Variants in TPM3 observed in about 807,000 individuals in gnomAD.
TPM3 encodes tropomyosin 3.
A neutral mutation model predicts 43.1 loss-of-function variants in TPM3; 16 were observed. That is an observed-to-expected ratio of 0.37 (90% CI 0.25 to 0.56). The LOEUF is 0.56. Ranked by LOEUF, TPM3 falls within the 20% of genes least tolerant of loss-of-function variation. The probability of loss-of-function intolerance (pLI) is 0.77; values close to 1 mark genes in which losing one functional copy is unlikely to be tolerated. For missense variants in TPM3, 176 were observed against 337.2 expected, an observed-to-expected ratio of 0.52 and a Z score of 3.74; for synonymous variants, 101 against 116.9, an observed-to-expected ratio of 0.86 and a Z score of 0.88.
downstream of TPM3, among the ~76,000 whole-genome samples, chr1:154,160,767 G>A (rs1191030614): frequency 6.6e-6 from 1 of 152,144 alleles, no homozygotes; most frequent in Non-Finnish European, 1.5e-5. Context: ...TATACAGGCT[G>A]AGAACCCAAA....
chr1:154,174,385 T>TATATATATATATATATATATATATATAC (rs1662013729), intron 3 of TPM3, among the ~76,000 whole-genome samples: 1 of 94,328 alleles, frequency 1.1e-5, no homozygotes, highest in Non-Finnish European at 2.0e-5. Flanking sequence ...TATATATATA[T>TATATATATATATATATATATATATATAC]ATATATATAT....
intron 3 of TPM3, 56 bp downstream of exon 3, chr1:154,176,059 G>C: frequency 2.5e-6 from 4 of 1,610,504 alleles, no homozygotes; most frequent in Non-Finnish European, 2.5e-6. Flanking sequence ...AGGAAATCTT[G>C]ATCAGAACTA....
Position 154,172,937 on chromosome 1 carries a change from G to T in TPM3, c.537C>A (p.Arg179=), listed in dbSNP as rs745793928. The part of the protein sequence containing the change: ...KLVIIEGDLE[R]TEERAELAES... ...CTGCCAGCTCAGCTCGTTCCTCTGT[G>T]CGTTCCAAGTCTCCTTCAATGATCA... Residue 179 remains arginine, a synonymous_variant, in exon 5 of 10, where the codon CGC becomes CGA. Coordinates refer to ENST00000651641, the MANE Select transcript of TPM3 (RefSeq NM_152263.4). 3.7e-6 allele frequency: 6 copies of T among 1,614,068 alleles called. No individual in the cohort carries two copies.
In TPM3 at chr1:154,165,789, C is replaced by CAAAAAAAAAAAAAAAAAGAAA. The variant is rs1660882561; in HGVS notation, c.*2127_*2147dup. ...AGGTGACAAGAGTCAAACTCCGTCT[C>CAAAAAAAAAAAAAAAAAGAAA]AAAAAAAAAAAAAAAAAGAAAAAAA... On this transcript the variant is annotated 3_prime_UTR_variant, in exon 10 of 10. Transcript: ENST00000651641. Among the ~76,000 whole-genome samples, 1 of 82,230 alleles carries CAAAAAAAAAAAAAAAAAGAAA rather than the reference C, an allele frequency of 1.2e-5. No homozygotes were observed. The allele number at this position is 82,230 out of a possible 152,430, so 53.9% of individuals were successfully genotyped here. A position where few individuals can be genotyped will look rare whatever the true frequency, so the allele number is the denominator to read the frequency against.
chr1:154,169,902 G>T, intron 8 of TPM3: 1 of 239,428 alleles, frequency 4.2e-6, no homozygotes, highest in Non-Finnish European at 8.2e-6. Context: ...CAGGGTGGAT[G>T]GCAGTTACCA....
At chr1:154,185,337 TA>T (rs1663361443) in intron 2 of TPM3, among the ~76,000 whole-genome samples, 1 of 142,848 alleles carries the variant, frequency 7.0e-6, no homozygotes, top group Admixed American at 7.2e-5. Flanking sequence ...GGTGCCACTC[TA>T]CTCCAGCCCG....
chr1:154,173,661 T>C (rs2148244582), intron 3 of TPM3, among the ~76,000 whole-genome samples: 3 of 141,064 alleles, frequency 2.1e-5, no homozygotes, highest in Middle Eastern at 7.7e-3. Context: ...CGAAACTCCG[T>C]CTCAAAAAAA....
intron 2 of TPM3, chr1:154,178,171 C>G (rs1662555812): frequency 1.0e-6 from 1 of 985,304 alleles, no homozygotes. Flanking sequence ...TGTAAGACAT[C>G]ATGCAGCTCA....
At position 154,170,731 on chromosome 1, in the gene TPM3, A is replaced by C; in HGVS notation, c.643-20T>G. 6.4e-7 allele frequency: 1 copy of C among 1,561,482 alleles called. No individual in the cohort carries two copies. Among genetic ancestry groups the C allele is most frequent in the Non-Finnish European group, 8.8e-7 (1 of 1,135,488 alleles). ...AGAGTACTGTAAGATAAGTAGATTA[A>C]AAATTTCAGAGTAGAAATTAGTCAC... On this transcript the variant is annotated intron_variant, in intron 6 of 9. Coordinates refer to ENST00000651641, the MANE Select transcript of TPM3 (RefSeq NM_152263.4).
In TPM3 at chr1:154,165,285, G is replaced by A. The variant is rs555966358; in HGVS notation, c.*2652C>T. ...TAATCACAGCTCCTCGGGAAGCTGA[G>A]ACAGGAGAATCGCTTGAACTCAAGA... On this transcript the variant is annotated 3_prime_UTR_variant, in exon 10 of 10. Transcript: ENST00000651641. Among the ~76,000 whole-genome samples the A allele has an allele frequency of 5.9e-5, 9 of 152,256 alleles. No homozygotes were observed. The highest frequency in any genetic ancestry group is 1.2e-4 in the Non-Finnish European group (8 of 68,034).
chr1:154,155,417 A>G (rs1343521437), downstream of TPM3: 4 of 316,214 alleles, frequency 1.3e-5, no homozygotes, highest in Non-Finnish European at 2.4e-5. Flanking sequence ...AATGATTTCC[A>G]GTTAGCATTG....
At chr1:154,175,251 A>T (rs1662164088) in intron 3 of TPM3, among the ~76,000 whole-genome samples, 1 of 150,884 alleles carries the variant, frequency 6.6e-6, no homozygotes. Flanking sequence ...GAATGGCGTG[A>T]ACCCGGGAGG....
Position 154,191,194 on chromosome 1 carries a change from C to T in TPM3, c.235G>A (p.Ala79Thr). ...ATCTCTCTAATACTCACATCAGCAG[C>T]CTTCTTCTCTGCCAGTTCCAGCTTC... The part of the protein sequence containing the change: ...QEKLELAEKK[A>T]ADAEAEVASL... Residue 79 changes from alanine to threonine, a missense_variant, in exon 2 of 10, where the codon GCT (alanine) becomes ACT (threonine). Ala to Thr is a moderately conservative substitution (Grantham distance 58). This residue lies in a region of TPM3 where 82 missense variants were observed against 148.8 expected (regional missense o/e 0.55). Coordinates refer to ENST00000651641, the MANE Select transcript of TPM3 (RefSeq NM_152263.4). The T allele has an allele frequency of 1.2e-6, 2 of 1,614,148 alleles. No individual in the cohort carries two copies. Among genetic ancestry groups the T allele is most frequent in the Non-Finnish European group, 1.7e-6 (2 of 1,180,026 alleles).
Position 154,171,409 on chromosome 1 carries a change from CT to C in TPM3, c.642+3del. The C allele has an allele frequency of 6.2e-7, 1 of 1,614,160 alleles. No individual in the cohort carries two copies. Among genetic ancestry groups the C allele is most frequent in the Non-Finnish European group, 8.5e-7 (1 of 1,179,982 alleles). On this transcript the variant is annotated splice_donor_region_variant and intron_variant, in intron 6 of 9. Transcript: ENST00000651641. ...GCCTGTCACTTTCACAAACCAGCCC[CT>C]ACCTTCTCCGCCTGAGCCTCAAGAG...
At position 154,169,327 on chromosome 1, in the gene TPM3, C is replaced by T. The variant is rs377438824; in HGVS notation, c.832G>A (p.Ala278Thr). 6.8e-6 allele frequency: 11 copies of T among 1,614,072 alleles called. 1 individual carries two copies. Among genetic ancestry groups the T allele is most frequent in the South Asian group, 4.4e-5 (4 of 91,082 alleles). Residue 278 changes from alanine to threonine, a missense_variant, in exon 9 of 10, where the codon GCC (alanine) becomes ACC (threonine). By Grantham distance (58) the Ala-to-Thr change is moderately conservative. Coordinates refer to ENST00000651641, the MANE Select transcript of TPM3 (RefSeq NM_152263.4). ...YKAISEELDH[A>T]LNDMTSI Reference sequence around the variant, plus strand: ...TACATAGAGGTCATGTCATTGAGGGCGTGGTCCAGCTCCTCGCTAATGGCC... The same window carrying T: ...TACATAGAGGTCATGTCATTGAGGGTGTGGTCCAGCTCCTCGCTAATGGCC...
Position 154,169,371 on chromosome 1 carries a change from G to A in TPM3, c.788C>T (p.Ala263Val), listed in dbSNP as rs1455676920. 4 of 1,614,198 alleles carry A rather than the reference G, an allele frequency of 2.5e-6. No individual in the cohort carries two copies. Among genetic ancestry groups the A allele is most frequent in the Non-Finnish European group, 3.4e-6 (4 of 1,180,034 alleles). ...TIDDLEDELYAQKLKYKAISE... is the reference protein window; with the variant it reads ...TIDDLEDELYVQKLKYKAISE... ...AATGGCCTTGTACTTCAGTTTCTGG[G>A]CATAGAGCTCATCTGGACAGGCACA... Residue 263 changes from alanine (A) to valine (V), a missense_variant, in exon 9 of 10, where the codon GCC becomes GTC. Ala to Val is a moderately conservative substitution (Grantham distance 64, BLOSUM62 0). Transcript: ENST00000651641.
rs755162322 is a variant in TPM3, at chr1:154,161,879, G to A, written c.*6058C>T. On this transcript the variant is annotated 3_prime_UTR_variant, in exon 10 of 10. Transcript: ENST00000651641. ...ACAGAGTTTCCTAGGAATTGCATGA[G>A]GTCAGAAAGACAAATGCAGCTGTTC... 6.6e-6 allele frequency among the ~76,000 whole-genome samples: 1 copy of A among 152,046 alleles called. No homozygotes were observed. The highest frequency in any genetic ancestry group is 1.5e-5 in the Non-Finnish European group (1 of 68,012).
At chr1:154,178,232 T>G (rs887482403) in intron 2 of TPM3, 82 of 980,546 alleles carry the variant, frequency 8.4e-5, no homozygotes, top group Non-Finnish European at 9.9e-5. Context: ...GGGGCGGGGG[T>G]GTACAGTTGC....
chr1:154,176,350 A>G, intron 2 of TPM3, 102 bp from the exon 3 acceptor site: 2 of 1,550,484 alleles, frequency 1.3e-6, no homozygotes, highest in Admixed American at 3.5e-5. Context: ...AAAAAGCCAG[A>G]GTCTCGCAGG....
Sources: gnomAD v4.1 joint callset for allele counts (sites outside exome capture counted in the v4.1 genomes callset) on GRCh38, gnomAD v4.1.1 for gene constraint, gnomAD v4.1.1 regional missense constraint, MANE v1.5 for transcripts, NCBI Gene and HGNC (gene_info 2026-07-23, HGNC 2026-07-21) for gene names.